TMEM232: variants seen among roughly 807,000 people sequenced by gnomAD.
TMEM232 encodes the protein transmembrane protein 232.
TMEM232 carries 80 observed loss-of-function variants against 78.8 expected under a neutral mutation model. The ratio of observed to expected loss-of-function variants is 1.01; its 90% CI spans 0.85 to 1.22. The LOEUF (loss-of-function observed/expected upper bound fraction) is 1.22, where lower values mean the gene tolerates loss of function less well. Among genes scored for constraint, TMEM232 ranks in the 50% most tolerant of loss-of-function variants. The pLI is 0.00. For synonymous variants in TMEM232, 297 were observed against 254.3 expected, an observed-to-expected ratio of 1.17 and a Z score of -1.60; for missense variants, 881 against 742.2, an observed-to-expected ratio of 1.19 and a Z score of -2.17.
chr5:110,413,878 T>C (rs1028605530), intron 2 of TMEM232, among the ~76,000 whole-genome samples: 22 of 152,322 alleles, frequency 1.4e-4, no homozygotes, highest in African/African-American at 5.1e-4. Flanking sequence ...CTGTAAATTG[T>C]CAAGCCAACA....
At chr5:110,427,127 G>C (rs1757325706) in intron 12 of TMEM232, among the ~76,000 whole-genome samples, 1 of 151,764 alleles carries the variant, frequency 6.6e-6, no homozygotes. Context: ...TTCAGGGATA[G>C]AAACAGAAAA....
intron 8 of TMEM232, among the ~76,000 whole-genome samples, chr5:110,607,096 T>TA (rs1781630682): frequency 6.6e-6 from 1 of 152,052 alleles, no homozygotes; most frequent in South Asian, 2.1e-4. Context: ...CATCATTTTC[T>TA]AAATCAGACC....
intron 1 of TMEM232, among the ~76,000 whole-genome samples, chr5:110,688,772 C>T (rs1793736089): frequency 6.6e-6 from 1 of 152,174 alleles, no homozygotes; most frequent in African/African-American, 2.4e-5. Context: ...TCACACAAAC[C>T]TGCCTCCACC....
chr5:110,557,246 C>T (rs1010277833), intron 11 of TMEM232, among the ~76,000 whole-genome samples: 15 of 152,212 alleles, frequency 9.9e-5, no homozygotes, highest in South Asian at 6.2e-4. Context: ...TTTCTTAAAA[C>T]GGCTATTTCC....
At chr5:110,522,675 A>T (rs1484808860) in intron 12 of TMEM232, among the ~76,000 whole-genome samples, 1 of 152,050 alleles carries the variant, frequency 6.6e-6, no homozygotes. Flanking sequence ...ATTATTACGT[A>T]ATTTTTATTT....
chr5:110,590,817 G>C (rs1580274574), intron 10 of TMEM232, among the ~76,000 whole-genome samples: 5 of 152,266 alleles, frequency 3.3e-5, no homozygotes, highest in Admixed American at 3.3e-4. Context: ...CGTGGTGGAA[G>C]GGGAAGCAAG....
intron 11 of TMEM232, among the ~76,000 whole-genome samples, chr5:110,542,799 A>AC: frequency 6.6e-6 from 1 of 151,770 alleles, no homozygotes; most frequent in Non-Finnish European, 1.5e-5. Flanking sequence ...TCCCTTTGCA[A>AC]CCCCCCTCGC....
chr5:110,594,988 C>A (rs1413432745), intron 10 of TMEM232, among the ~76,000 whole-genome samples: 1 of 152,122 alleles, frequency 6.6e-6, no homozygotes, highest in Non-Finnish European at 1.5e-5. Context: ...GAGATGCCTC[C>A]CAGCAGGGGT....
intron 10 of TMEM232, among the ~76,000 whole-genome samples, chr5:110,584,458 C>A (rs7722547): frequency 0.3 from 46,087 of 151,844 alleles, 9,277 homozygotes; most frequent in African/African-American, 0.58. Context: ...TTAAGCTGCC[C>A]GAGGCAAAGA....
intron 1 of TMEM232, among the ~76,000 whole-genome samples, chr5:110,680,396 C>CAAAAAAAA (rs1189611727): frequency 1.2e-4 from 3 of 24,660 alleles, no homozygotes; most frequent in Middle Eastern, 0.02. Flanking sequence ...GACTCTATCT[C>CAAAAAAAA]AAAAAAAAAA....
At chr5:110,631,303 A>C (rs535691406) in intron 5 of TMEM232, among the ~76,000 whole-genome samples, 2 of 152,152 alleles carry the variant, frequency 1.3e-5, no homozygotes, top group African/African-American at 4.8e-5. Flanking sequence ...TGAGGCTATG[A>C]GAAGAAACAC....
intron 12 of TMEM232, among the ~76,000 whole-genome samples, chr5:110,426,182 C>T (rs1284808891): frequency 6.6e-6 from 1 of 151,962 alleles, no homozygotes; most frequent in Non-Finnish European, 1.5e-5. Context: ...CCCTTCAGCT[C>T]TCAGTTCAAG....
chr5:110,710,351 T>C (rs1399282455), intron 1 of TMEM232, among the ~76,000 whole-genome samples: 1 of 152,092 alleles, frequency 6.6e-6, no homozygotes, highest in African/African-American at 2.4e-5. Context: ...ACTCAAACTA[T>C]TCCAAAAAAT....
chr5:110,430,196 A>G (rs1420590013), intron 12 of TMEM232: 1 of 151,664 alleles, frequency 6.6e-6, no homozygotes, highest in African/African-American at 2.4e-5. Flanking sequence ...TCATAAGTTC[A>G]TGTTACTTTT....
intron 11 of TMEM232, among the ~76,000 whole-genome samples, chr5:110,568,164 T>C (rs1488598): frequency 0.012 from 1,810 of 152,080 alleles, 33 homozygotes; most frequent in African/African-American, 0.041. Flanking sequence ...CAGAGTTCTA[T>C]GGTGGAATCA....
intron 11 of TMEM232, among the ~76,000 whole-genome samples, chr5:110,562,870 A>G (rs1775908496): frequency 6.6e-6 from 1 of 152,044 alleles, no homozygotes; most frequent in Non-Finnish European, 1.5e-5. Flanking sequence ...CAAAGTCACT[A>G]GGTTAAATAC....
intron 1 of TMEM232, among the ~76,000 whole-genome samples, chr5:110,710,815 G>T (rs73228188): frequency 0.039 from 5,940 of 152,142 alleles, 375 homozygotes; most frequent in African/African-American, 0.14. Context: ...CACACTGAAT[G>T]GGGAAAAATG....
intron 2 of TMEM232, among the ~76,000 whole-genome samples, chr5:110,664,563 A>G (rs1057409441): frequency 2.0e-5 from 3 of 152,236 alleles, no homozygotes; most frequent in African/African-American, 7.2e-5. Flanking sequence ...AAACGTAACA[A>G]TATGTGTCAC....
chr5:110,497,540 A>G (rs181796785), intron 12 of TMEM232, among the ~76,000 whole-genome samples: 70 of 152,292 alleles, frequency 4.6e-4, no homozygotes, highest in Middle Eastern at 3.4e-3. Context: ...GACCTGAAGG[A>G]TATTTTAATA....
Sources: allele counts gnomAD v4.1 joint callset (sites outside exome capture counted in the v4.1 genomes callset), GRCh38; gene constraint gnomAD v4.1.1; transcripts MANE v1.5; gene names NCBI Gene and HGNC (gene_info 2026-07-23, HGNC 2026-07-21).